The following LHFPL3 variants were observed in gnomAD, a reference collection of about 807,000 sequenced individuals.
LHFPL3 encodes LHFPL tetraspan subfamily member 3.
Under a neutral mutation model 19.3 loss-of-function variants are expected in LHFPL3, and 5 were observed. That is an observed-to-expected ratio of 0.26 (90% CI 0.14 to 0.54). The LOEUF is 0.54. Ranked by LOEUF, LHFPL3 falls within the 20% of genes least tolerant of loss-of-function variation. The pLI, the probability that LHFPL3 is intolerant of heterozygous loss-of-function variation, is 0.94. For synonymous variants in LHFPL3, 133 were observed against 126.2 expected (o/e 1.05, Z -0.36); for missense variants, 249 against 307.4 (o/e 0.81, Z 1.42).
chr7:104,331,226 T>C (rs1203828162), intron 1 of LHFPL3, among the ~76,000 whole-genome samples: 3 of 152,236 alleles, frequency 2.0e-5, no homozygotes, highest in Non-Finnish European at 4.4e-5. Flanking sequence ...TTGTCTGTCC[T>C]GGAGCAGTGA....
At chr7:104,365,896 A>T (rs1415893910) in intron 1 of LHFPL3, among the ~76,000 whole-genome samples, 1 of 152,090 alleles carries the variant, frequency 6.6e-6, no homozygotes, top group African/African-American at 2.4e-5. Context: ...AAGGTTTGGA[A>T]CAAATGTGTG....
intron 1 of LHFPL3, among the ~76,000 whole-genome samples, chr7:104,696,418 G>T (rs949305682): frequency 6.7e-6 from 1 of 149,140 alleles, no homozygotes; most frequent in Admixed American, 6.8e-5. Context: ...TTAAAAGGAT[G>T]AAACAGAAAA....
At chr7:104,345,725 T>C (rs1232891077) in intron 1 of LHFPL3, among the ~76,000 whole-genome samples, 3 of 152,182 alleles carry the variant, frequency 2.0e-5, no homozygotes, top group Non-Finnish European at 4.4e-5. Flanking sequence ...TTCATTTTTT[T>C]CTGAGTTATG....
chr7:104,477,961 G>C (rs1382612138), intron 1 of LHFPL3, among the ~76,000 whole-genome samples: 1 of 152,142 alleles, frequency 6.6e-6, no homozygotes, highest in Non-Finnish European at 1.5e-5. Flanking sequence ...AGTCCATGTT[G>C]AAGCTCATTT....
chr7:104,442,121 G>C (rs1211596214), intron 1 of LHFPL3, among the ~76,000 whole-genome samples: 2 of 151,128 alleles, frequency 1.3e-5, no homozygotes, highest in Non-Finnish European at 2.9e-5. Flanking sequence ...TATCATTGTG[G>C]TTTTGATTTG....
At chr7:104,727,178 G>GT (rs1460602536) in intron 1 of LHFPL3, among the ~76,000 whole-genome samples, 2 of 152,018 alleles carry the variant, frequency 1.3e-5, no homozygotes, top group African/African-American at 2.4e-5. Context: ...ATTGGGTTGT[G>GT]TTTTTTTCTT....
intron 1 of LHFPL3, among the ~76,000 whole-genome samples, chr7:104,656,533 C>T (rs540891170): frequency 3.3e-5 from 5 of 152,178 alleles, no homozygotes; most frequent in Admixed American, 2.6e-4. Flanking sequence ...TGATATATGA[C>T]CCTGAGTAAG....
intron 2 of LHFPL3, among the ~76,000 whole-genome samples, chr7:104,864,764 C>G (rs1791688368): frequency 6.6e-6 from 1 of 152,240 alleles, no homozygotes; most frequent in Non-Finnish European, 1.5e-5. Flanking sequence ...CAGCACACAG[C>G]TGGAGATCTG....
intron 2 of LHFPL3, among the ~76,000 whole-genome samples, chr7:104,897,860 G>A (rs1792396260): frequency 6.6e-6 from 1 of 151,940 alleles, no homozygotes; most frequent in Non-Finnish European, 1.5e-5. Flanking sequence ...TATAATTAAT[G>A]ACAACATCTT....
At chr7:104,561,166 G>T (rs1034450381) in intron 1 of LHFPL3, among the ~76,000 whole-genome samples, 2 of 151,988 alleles carry the variant, frequency 1.3e-5, no homozygotes, top group Non-Finnish European at 2.9e-5. Context: ...CTGTTGATTT[G>T]GGGTGGAGAG....
intron 2 of LHFPL3, among the ~76,000 whole-genome samples, chr7:104,880,016 A>G (rs1366455895): frequency 6.6e-6 from 1 of 152,114 alleles, no homozygotes; most frequent in African/African-American, 2.4e-5. Context: ...ACATAGCAAC[A>G]TAGTGAGAAC....
intron 1 of LHFPL3, among the ~76,000 whole-genome samples, chr7:104,341,969 C>A (rs944781187): frequency 1.3e-5 from 2 of 152,222 alleles, no homozygotes; most frequent in Admixed American, 1.3e-4. Flanking sequence ...GAAAAGCTAA[C>A]TCCTCCTGAA....
chr7:104,759,334 G>A (rs186215559), intron 2 of LHFPL3, among the ~76,000 whole-genome samples: 1 of 152,136 alleles, frequency 6.6e-6, no homozygotes, highest in Non-Finnish European at 1.5e-5. Flanking sequence ...AGCCACATAT[G>A]TGCTTATACA....
chr7:104,548,267 A>G (rs1794606947), intron 1 of LHFPL3, among the ~76,000 whole-genome samples: 5 of 152,202 alleles, frequency 3.3e-5, no homozygotes, highest in Non-Finnish European at 4.4e-5. Flanking sequence ...GCATGTGTGT[A>G]CACAAGCACA....
In LHFPL3 at chr7:104,765,652, T is replaced by C. The variant is rs563594263; in HGVS notation, c.682+28741T>C. On this transcript the variant is annotated intron_variant, in intron 2 of 2. Coordinates refer to ENST00000424859, the MANE Select transcript of LHFPL3 (RefSeq NM_199000.3). ...GAGCTTATACATGTACAAAGTGCAA[T>C]ACTGAAAGGGCAAAGGACCAAATTC... Among the ~76,000 whole-genome samples, 5 of 152,346 alleles carry C rather than the reference T, an allele frequency of 3.3e-5. No homozygotes were observed. In the South Asian group the frequency reaches 1.0e-3, roughly 32 times the overall value.
At chr7:104,336,708 G>A (rs1562867891) in intron 1 of LHFPL3, among the ~76,000 whole-genome samples, 1 of 152,194 alleles carries the variant, frequency 6.6e-6, no homozygotes. Flanking sequence ...CTGCAGCAGG[G>A]TAGGGCTGCT....
At chr7:104,499,717 C>T (rs771559812) in intron 1 of LHFPL3, among the ~76,000 whole-genome samples, 20 of 152,116 alleles carry the variant, frequency 1.3e-4, no homozygotes, top group Admixed American at 5.9e-4. Context: ...TTTATTGGGA[C>T]GCTTAAATCA....
intron 1 of LHFPL3, among the ~76,000 whole-genome samples, chr7:104,695,876 G>A (rs538970458): frequency 6.6e-6 from 1 of 152,162 alleles, no homozygotes; most frequent in Admixed American, 6.5e-5. Flanking sequence ...TCAGATCCTT[G>A]CTCCCTCATT....
chr7:104,405,689 G>T (rs759533341), intron 1 of LHFPL3, among the ~76,000 whole-genome samples: 1 of 152,174 alleles, frequency 6.6e-6, no homozygotes, highest in Non-Finnish European at 1.5e-5. Flanking sequence ...TAACCACTAT[G>T]TTATACTGCC....
Sources: gnomAD v4.1 joint callset for allele counts (sites outside exome capture counted in the v4.1 genomes callset) on GRCh38, gnomAD v4.1.1 for gene constraint, MANE v1.5 for transcripts, NCBI Gene and HGNC (gene_info 2026-07-23, HGNC 2026-07-21) for gene names.